IQCM: variants seen among roughly 807,000 people sequenced by gnomAD.
IQCM encodes IQ motif containing M.
In IQCM, 45 loss-of-function variants were observed where a neutral mutation model predicts 57.6. The ratio of observed to expected loss-of-function variants is 0.78; its 90% confidence interval spans 0.62 to 1.00. IQCM has a LOEUF of 1.00. Among genes scored for constraint, IQCM ranks in the 50% least tolerant of loss-of-function variants. IQCM has a pLI of 0.00. For synonymous variants in IQCM, 148 were observed against 158.9 expected (o/e 0.93, Z 0.51); for missense variants, 468 against 511.6 (o/e 0.91, Z 0.82).
At position 149,696,754 on chromosome 4, in the gene IQCM, G is replaced by A. The variant is rs531147160; in HGVS notation, c.386-10286C>T. Among the ~76,000 whole-genome samples the A allele has an allele frequency of 3.9e-5, 6 of 152,234 alleles. No individual in the cohort carries two copies. In the South Asian group the frequency reaches 1.2e-3, roughly 32 times the overall value. Reference sequence around the variant, plus strand: ...CTTAGACGCATCAGGCTAGATAGGTGCCACTACCTGGGGCATGGTCTTTTC... The same window carrying A: ...CTTAGACGCATCAGGCTAGATAGGTACCACTACCTGGGGCATGGTCTTTTC... On this transcript the variant is annotated intron_variant, in intron 5 of 13. Coordinates refer to ENST00000636793, the MANE Select transcript of IQCM (RefSeq NM_001363507.2).
At chr4:149,520,738 T>C (rs1156967136) in intron 12 of IQCM, among the ~76,000 whole-genome samples, 2 of 152,186 alleles carry the variant, frequency 1.3e-5, no homozygotes, top group African/African-American at 4.8e-5. Flanking sequence ...ACCATCTGGA[T>C]AATGCCAAGA....
rs539068317 is a variant in IQCM at position 149,437,136 on chromosome 4, A to G, written c.1229-3579T>C. Among the ~76,000 whole-genome samples, 4 of 152,216 alleles carry G rather than the reference A, an allele frequency of 2.6e-5. No individual in the cohort carries two copies. The East Asian group carries it at 5.8e-4, about 22-fold the overall frequency. ...TTCAAAGCCTTTCTTTTAAACCACA[A>G]TGCATATTGTTTTAACCAATGGTTC... On this transcript the variant is annotated intron_variant, in intron 12 of 13. Coordinates refer to ENST00000636793, the MANE Select transcript of IQCM (RefSeq NM_001363507.2).
intron 5 of IQCM, among the ~76,000 whole-genome samples, chr4:149,703,638 C>T (rs1763934294): frequency 1.3e-5 from 2 of 151,766 alleles, no homozygotes; most frequent in Non-Finnish European, 2.9e-5. Context: ...TTAACAAAAG[C>T]TATAAAATAT....
intron 2 of IQCM, among the ~76,000 whole-genome samples, chr4:149,792,288 A>AT (rs1431431295): frequency 3.9e-5 from 6 of 152,148 alleles, no homozygotes; most frequent in Non-Finnish European, 7.4e-5. Flanking sequence ...TGAAATATGC[A>AT]TTTTTAACTA....
chr4:149,371,895 C>G (rs1276862337), intron 13 of IQCM, among the ~76,000 whole-genome samples: 1 of 152,128 alleles, frequency 6.6e-6, no homozygotes, highest in Non-Finnish European at 1.5e-5. Flanking sequence ...GATCTAGTGG[C>G]ATGTTCTAAC....
At chr4:149,388,538 T>A (rs938925936) in intron 13 of IQCM, among the ~76,000 whole-genome samples, 2 of 134,132 alleles carry the variant, frequency 1.5e-5, no homozygotes, top group African/African-American at 2.7e-5. Context: ...ATATTATATA[T>A]TATATATAAT....
intron 12 of IQCM, among the ~76,000 whole-genome samples, chr4:149,468,416 C>T (rs868632372): frequency 3.3e-5 from 5 of 152,142 alleles, no homozygotes; most frequent in Non-Finnish European, 7.4e-5. Flanking sequence ...AAGGCAGCAG[C>T]GAGGCTGGGG....
At chr4:149,676,443 G>A (rs140584142) in intron 7 of IQCM, among the ~76,000 whole-genome samples, 43 of 152,148 alleles carry the variant, frequency 2.8e-4, no homozygotes, top group Admixed American at 1.7e-3. Context: ...AGGAAGTTGC[G>A]ACTAATTATG....
intron 13 of IQCM, among the ~76,000 whole-genome samples, chr4:149,396,836 T>A (rs925812060): frequency 1.7e-4 from 26 of 152,072 alleles, no homozygotes; most frequent in Admixed American, 5.3e-4. Context: ...ACTGGTTTAT[T>A]TCTCTCAGCA....
At chr4:149,452,005 A>G (rs2111410052) in intron 12 of IQCM, among the ~76,000 whole-genome samples, 1 of 151,866 alleles carries the variant, frequency 6.6e-6, no homozygotes, top group South Asian at 2.1e-4. Context: ...TAAACAAGTG[A>G]CTTTAGTCAG....
At chr4:149,470,052 G>T (rs1414475672) in intron 12 of IQCM, among the ~76,000 whole-genome samples, 2 of 152,168 alleles carry the variant, frequency 1.3e-5, no homozygotes, top group East Asian at 1.9e-4. Context: ...ATGCTAGGAA[G>T]AAACTGCATC....
intron 13 of IQCM, among the ~76,000 whole-genome samples, chr4:149,403,678 C>T (rs1560807084): frequency 6.6e-6 from 1 of 151,834 alleles, no homozygotes; most frequent in Non-Finnish European, 1.5e-5. Flanking sequence ...GTAGCATCAT[C>T]ATCAAATCCA....
intron 2 of IQCM, among the ~76,000 whole-genome samples, chr4:149,747,235 C>CTGT (rs1768011797): frequency 6.6e-6 from 1 of 152,172 alleles, no homozygotes; most frequent in East Asian, 1.9e-4. Flanking sequence ...GCCAATATAA[C>CTGT]AGGACAAATA....
At chr4:149,503,864 G>T (rs1022928223) in intron 12 of IQCM, among the ~76,000 whole-genome samples, 2 of 151,902 alleles carry the variant, frequency 1.3e-5, no homozygotes, top group Non-Finnish European at 1.5e-5. Context: ...CATCAAATTG[G>T]AGATGAAATT....
chr4:149,768,992 A>C (rs1021830573), intron 2 of IQCM, among the ~76,000 whole-genome samples: 13 of 152,258 alleles, frequency 8.5e-5, no homozygotes, highest in African/African-American at 3.1e-4. Flanking sequence ...CTTTAGAAGA[A>C]ATATTAAAAT....
intron 10 of IQCM, among the ~76,000 whole-genome samples, chr4:149,557,512 C>A (rs1749703969): frequency 1.3e-5 from 2 of 152,168 alleles, no homozygotes; most frequent in Admixed American, 1.3e-4. Context: ...GAATTTCATG[C>A]ACGCTTTTTA....
intron 2 of IQCM, among the ~76,000 whole-genome samples, chr4:149,802,063 C>CA (rs112784341): frequency 6.6e-6 from 1 of 151,334 alleles, no homozygotes; most frequent in African/African-American, 2.4e-5. Context: ...AAATATAAAA[C>CA]AAAAAAGAAG....
intron 12 of IQCM, among the ~76,000 whole-genome samples, chr4:149,450,183 T>A (rs1358716214): frequency 6.6e-6 from 1 of 151,846 alleles, no homozygotes; most frequent in Non-Finnish European, 1.5e-5. Context: ...AAGACCCCCA[T>A]GTCTTGCTCT....
rs150487453 is a variant in IQCM, at chr4:149,672,918, C to G, written c.565+9200G>C. Among the ~76,000 whole-genome samples, 1,021 of 152,282 alleles carry G rather than the reference C, an allele frequency of 6.7e-3. 16 individuals carry two copies. The highest frequency in any genetic ancestry group is 0.023 in the African/African-American group (969 of 41,558). Reference sequence around the variant, plus strand: ...CACAAAGGGAAGCCCATCAGACTAACAGCAGATCTTTCGGCAGAAACTCTA... The same window carrying G: ...CACAAAGGGAAGCCCATCAGACTAAGAGCAGATCTTTCGGCAGAAACTCTA... On this transcript the variant is annotated intron_variant, in intron 7 of 13. Transcript: ENST00000636793.
Sources: gnomAD v4.1 joint callset for allele counts (sites outside exome capture counted in the v4.1 genomes callset) on GRCh38, gnomAD v4.1.1 for gene constraint, MANE v1.5 for transcripts, NCBI Gene and HGNC (gene_info 2026-07-23, HGNC 2026-07-21) for gene names.